IL1RAPL2: variants seen among roughly 807,000 people sequenced by gnomAD.
IL1RAPL2 encodes the protein X-linked interleukin-1 receptor accessory protein-like 2.
A neutral mutation model predicts 44.1 loss-of-function variants in IL1RAPL2; 3 were observed. The ratio of observed to expected loss-of-function variants is 0.07; its 90% CI spans 0.03 to 0.18. The LOEUF (loss-of-function observed/expected upper bound fraction) is 0.18. Ranked by LOEUF, IL1RAPL2 falls within the 10% of genes least tolerant of loss-of-function variation. The probability of loss-of-function intolerance (pLI) is 1.00; values close to 1 mark genes in which losing one functional copy is unlikely to be tolerated. For synonymous variants in IL1RAPL2, 181 were observed against 178.8 expected, an observed-to-expected ratio of 1.01 and a Z score of -0.10; for missense variants, 391 against 496.4, an observed-to-expected ratio of 0.79 and a Z score of 2.02.
intron 4 of IL1RAPL2, among the ~76,000 whole-genome samples, chrX:105,240,401 T>C (rs2034160439): frequency 8.9e-6 from 1 of 112,739 alleles, no homozygotes; most frequent in South Asian, 3.6e-4. Context: ...TCTGGCAAAG[T>C]GTCTTCTTGG....
intron 6 of IL1RAPL2, among the ~76,000 whole-genome samples, chrX:105,507,157 A>G (rs986142783): frequency 8.9e-6 from 1 of 111,789 alleles, no homozygotes; most frequent in African/African-American, 3.2e-5. Flanking sequence ...CTTTTTCCCA[A>G]ATAGATTCAT....
chrX:105,750,963 A>C (rs957776534), intron 9 of IL1RAPL2, among the ~76,000 whole-genome samples: 7 of 111,297 alleles, frequency 6.3e-5, no homozygotes, highest in African/African-American at 2.0e-4. Context: ...TAAAAGATGT[A>C]TTATCTATGT....
chrX:105,210,846 T>C (rs2033802786), intron 3 of IL1RAPL2, among the ~76,000 whole-genome samples: 1 of 110,969 alleles, frequency 9.0e-6, no homozygotes, highest in Non-Finnish European at 1.9e-5. Flanking sequence ...CCCCAGGTGA[T>C]GTCCAAGGCT....
chrX:105,642,686 C>G (rs1049248812), intron 6 of IL1RAPL2, among the ~76,000 whole-genome samples: 4 of 112,181 alleles, frequency 3.6e-5, no homozygotes, highest in African/African-American at 1.3e-4. Context: ...GCCTGTTAAG[C>G]AATCAGTGAA....
At chrX:105,422,232 A>C (rs911000812) in intron 5 of IL1RAPL2, among the ~76,000 whole-genome samples, 1 of 112,034 alleles carries the variant, frequency 8.9e-6, no homozygotes, top group Non-Finnish European at 1.9e-5. Context: ...TCAAATGCCT[A>C]TGATTTGGGT....
At chrX:105,325,274 T>G (rs866576902) in intron 5 of IL1RAPL2, among the ~76,000 whole-genome samples, 4 of 110,606 alleles carry the variant, frequency 3.6e-5, no homozygotes, top group Admixed American at 9.7e-5. Context: ...TCTGGAAATT[T>G]TATATAAAAG....
chrX:104,672,090 A>C (rs1438071383), intron 2 of IL1RAPL2, among the ~76,000 whole-genome samples: 1 of 111,089 alleles, frequency 9.0e-6, no homozygotes, highest in Non-Finnish European at 1.9e-5. Context: ...AGGGCAGGCC[A>C]ATTGCTTTCT....
intron 2 of IL1RAPL2, among the ~76,000 whole-genome samples, chrX:105,175,783 G>A (rs1434225541): frequency 9.0e-6 from 1 of 110,551 alleles, no homozygotes. Flanking sequence ...TCCTTTAACA[G>A]CATATAACTA....
At chrX:104,637,528 T>C (rs1929840385) in intron 1 of IL1RAPL2, among the ~76,000 whole-genome samples, 1 of 110,565 alleles carries the variant, frequency 9.0e-6, no homozygotes, top group Admixed American at 9.7e-5. Flanking sequence ...TTTTTTATCA[T>C]GAAGGGATGT....
intron 6 of IL1RAPL2, among the ~76,000 whole-genome samples, chrX:105,623,658 T>C (rs1356027759): frequency 9.0e-6 from 1 of 111,329 alleles, no homozygotes; most frequent in African/African-American, 3.3e-5. Flanking sequence ...ACTAGATGTA[T>C]GCAAGTAAAT....
intron 6 of IL1RAPL2, among the ~76,000 whole-genome samples, chrX:105,634,354 G>T (rs2037510013): frequency 9.0e-6 from 1 of 111,093 alleles, no homozygotes; most frequent in Non-Finnish European, 1.9e-5. Context: ...TTTGCCATGA[G>T]AAACCACACA....
At chrX:105,122,241 G>A (rs1488956468) in intron 2 of IL1RAPL2, among the ~76,000 whole-genome samples, 1 of 111,337 alleles carries the variant, frequency 9.0e-6, no homozygotes, top group African/African-American at 3.3e-5. Flanking sequence ...TTACATTTTT[G>A]TTTTGTTTTG....
chrX:105,542,607 A>G (rs1235144778), intron 6 of IL1RAPL2, among the ~76,000 whole-genome samples: 1 of 110,262 alleles, frequency 9.1e-6, no homozygotes, highest in Non-Finnish European at 1.9e-5. Flanking sequence ...GATCACTAAC[A>G]TTTGTTTAAC....
intron 2 of IL1RAPL2, among the ~76,000 whole-genome samples, chrX:104,967,027 T>A (rs1440278994): frequency 8.9e-6 from 1 of 112,439 alleles, no homozygotes; most frequent in Non-Finnish European, 1.9e-5. Flanking sequence ...AGTTTGCCAA[T>A]GCCTAATATC....
At chrX:105,400,673 G>A (rs781653753) in intron 5 of IL1RAPL2, among the ~76,000 whole-genome samples, 1 of 106,077 alleles carries the variant, frequency 9.4e-6, no homozygotes, top group Admixed American at 9.7e-5. Flanking sequence ...TATATTACCT[G>A]GTTTTATTGG....
intron 2 of IL1RAPL2, among the ~76,000 whole-genome samples, chrX:104,690,127 CTA>C (rs1373345410): frequency 8.9e-6 from 1 of 112,045 alleles, no homozygotes; most frequent in Non-Finnish European, 1.9e-5. Flanking sequence ...TGAAAAAAGT[CTA>C]TAGGAAGAAT....
chrX:104,885,321 C>T (rs4568735), intron 2 of IL1RAPL2, among the ~76,000 whole-genome samples: 40,493 of 109,914 alleles, frequency 0.37, 5,850 homozygotes, highest in East Asian at 0.46. Context: ...GGACTGGAGT[C>T]GTAAACATCT....
chrX:105,764,175 C>T (rs2038710302), intron 10 of IL1RAPL2, among the ~76,000 whole-genome samples: 1 of 111,516 alleles, frequency 9.0e-6, no homozygotes, highest in African/African-American at 3.3e-5. Context: ...AACTCCCACA[C>T]CCCGTGTAGC....
intron 2 of IL1RAPL2, among the ~76,000 whole-genome samples, chrX:104,734,420 TA>T (rs1931978250): frequency 8.9e-6 from 1 of 112,673 alleles, no homozygotes; most frequent in Admixed American, 9.4e-5. Context: ...GATGAATGGA[TA>T]AAACATATTG....
Sources: allele counts gnomAD v4.1 joint callset (sites outside exome capture counted in the v4.1 genomes callset), GRCh38; gene constraint gnomAD v4.1.1; transcripts MANE v1.5; gene names NCBI Gene and HGNC (gene_info 2026-07-23, HGNC 2026-07-21).